The following PLPPR1 variants were observed in gnomAD, a reference collection of about 807,000 sequenced individuals.
The protein encoded by PLPPR1 is phospholipid phosphatase related 1, also known as phospholipid phosphatase-related protein type 1.
In PLPPR1, 10 loss-of-function variants were observed where a neutral mutation model predicts 33.1. The observed-to-expected ratio is 0.30, with a 90% CI of 0.19 to 0.51. PLPPR1 has a LOEUF of 0.51. Among genes scored for constraint, PLPPR1 ranks in the 20% least tolerant of loss-of-function variants. PLPPR1 has a pLI of 0.97. For synonymous variants in PLPPR1, 151 were observed against 151.0 expected (o/e 1.00, Z 0.00); for missense variants, 304 against 408.1 (o/e 0.74, Z 2.20).
At chr9:101,125,678 A>G (rs143084584) in intron 1 of PLPPR1, 7 of 626,162 alleles carry the variant, frequency 1.1e-5, no homozygotes, top group Admixed American at 6.4e-5. Flanking sequence ...TAGCAAAACA[A>G]TGACCATTGT....
chr9:101,050,663 G>A (rs1221797333), intron 1 of PLPPR1, among the ~76,000 whole-genome samples: 2 of 152,198 alleles, frequency 1.3e-5, no homozygotes, highest in Non-Finnish European at 2.9e-5. Context: ...AAATTACACA[G>A]TGGATTTTGT....
chr9:101,207,554 TG>T (rs1826613779), intron 2 of PLPPR1, among the ~76,000 whole-genome samples: 1 of 152,138 alleles, frequency 6.6e-6, no homozygotes, highest in South Asian at 2.1e-4. Context: ...AGAAGTAAGT[TG>T]GCTAGGGCAG....
chr9:101,269,142 C>A (rs1828049205), intron 2 of PLPPR1, among the ~76,000 whole-genome samples: 1 of 152,014 alleles, frequency 6.6e-6, no homozygotes, highest in Non-Finnish European at 1.5e-5. Flanking sequence ...TATATCTAAA[C>A]TTCGGTGAGT....
intron 1 of PLPPR1, among the ~76,000 whole-genome samples, chr9:101,059,998 G>A (rs1830325420): frequency 6.6e-6 from 1 of 152,048 alleles, no homozygotes; most frequent in South Asian, 2.1e-4. Context: ...AAATAAGTAT[G>A]TTGAAAAGAT....
intron 2 of PLPPR1, among the ~76,000 whole-genome samples, chr9:101,202,898 A>AG (rs1442015720): frequency 1.3e-5 from 2 of 152,212 alleles, no homozygotes; most frequent in Non-Finnish European, 2.9e-5. Context: ...GAAAACCCTC[A>AG]GGCACAGATT....
At chr9:101,123,758 A>C (rs1336598795) in intron 1 of PLPPR1, among the ~76,000 whole-genome samples, 1 of 152,136 alleles carries the variant, frequency 6.6e-6, no homozygotes, top group Non-Finnish European at 1.5e-5. Flanking sequence ...CTGGGAGAGC[A>C]AGGAGCCAGC....
chr9:101,058,165 G>T (rs1830300768), intron 1 of PLPPR1, among the ~76,000 whole-genome samples: 1 of 152,032 alleles, frequency 6.6e-6, no homozygotes, highest in South Asian at 2.1e-4. Flanking sequence ...TGGGAGAGGG[G>T]GCGGTATCAG....
chr9:101,241,160 G>A (rs1328421060), intron 2 of PLPPR1, among the ~76,000 whole-genome samples: 1 of 152,048 alleles, frequency 6.6e-6, no homozygotes, highest in Non-Finnish European at 1.5e-5. Flanking sequence ...TACATGAAAG[G>A]TTTATTGGGG....
chr9:101,288,506 T>C (rs1180627242), intron 4 of PLPPR1, among the ~76,000 whole-genome samples: 2 of 152,052 alleles, frequency 1.3e-5, no homozygotes, highest in Non-Finnish European at 2.9e-5. Flanking sequence ...ATTTAAACTT[T>C]GGAGAATTAG....
At chr9:101,312,728 G>C (rs1828980387) in intron 5 of PLPPR1, 70 bp from the exon 6 acceptor site, 1 of 1,318,698 alleles carries the variant, frequency 7.6e-7, no homozygotes, top group South Asian at 1.3e-5. Context: ...GTATGTACCT[G>C]CTTGCTTGCA....
At chr9:101,216,137 C>T (rs1203016546) in intron 2 of PLPPR1, among the ~76,000 whole-genome samples, 2 of 152,196 alleles carry the variant, frequency 1.3e-5, no homozygotes, top group Non-Finnish European at 2.9e-5. Context: ...ATTTTCTCTA[C>T]ATCCTTGCCA....
intron 4 of PLPPR1, among the ~76,000 whole-genome samples, chr9:101,297,605 T>C (rs533023650): frequency 1.3e-5 from 2 of 152,336 alleles, no homozygotes; most frequent in South Asian, 4.1e-4. Context: ...GCTTTAAGCA[T>C]AAAACATCAT....
At chr9:101,119,136 T>TTTCTCCCCAGCC (rs1266300162) in intron 1 of PLPPR1, among the ~76,000 whole-genome samples, 1 of 152,194 alleles carries the variant, frequency 6.6e-6, no homozygotes, top group East Asian at 1.9e-4. Flanking sequence ...TTTCATCTCT[T>TTTCTCCCCAGCC]TTCTCCCCAG....
intron 2 of PLPPR1, among the ~76,000 whole-genome samples, chr9:101,186,870 C>T (rs772123029): frequency 6.6e-5 from 10 of 151,716 alleles, no homozygotes; most frequent in East Asian, 1.9e-4. Context: ...TTAATATAAG[C>T]GAAGTTACAT....
At chr9:101,122,477 T>A (rs1363476137) in intron 1 of PLPPR1, among the ~76,000 whole-genome samples, 1 of 152,200 alleles carries the variant, frequency 6.6e-6, no homozygotes, top group East Asian at 1.9e-4. Flanking sequence ...AAGCTTAATT[T>A]TTTTTCTTAA....
At chr9:101,057,592 CA>C (rs1830293236) in intron 1 of PLPPR1, among the ~76,000 whole-genome samples, 1 of 152,030 alleles carries the variant, frequency 6.6e-6, no homozygotes, top group African/African-American at 2.4e-5. Flanking sequence ...TACTATGAGC[CA>C]GGAACTATGC....
chr9:101,247,212 G>T (rs914034508), intron 2 of PLPPR1, among the ~76,000 whole-genome samples: 2 of 151,960 alleles, frequency 1.3e-5, no homozygotes, highest in Non-Finnish European at 2.9e-5. Flanking sequence ...CTCCTGGAAG[G>T]AGGGACGCCC....
chr9:101,210,520 G>C (rs1267112324), intron 2 of PLPPR1, among the ~76,000 whole-genome samples: 2 of 152,096 alleles, frequency 1.3e-5, no homozygotes, highest in Non-Finnish European at 2.9e-5. Context: ...CAGACTATAA[G>C]AGGATTCATA....
chr9:101,032,107 G>T (rs649892), intron 1 of PLPPR1, among the ~76,000 whole-genome samples: 51,496 of 151,970 alleles, frequency 0.34, 8,918 homozygotes, highest in Admixed American at 0.38. Context: ...GTTCTGTGTG[G>T]CTGTAGCGAC....
Sources: gnomAD v4.1 joint callset for allele counts (sites outside exome capture counted in the v4.1 genomes callset) on GRCh38, gnomAD v4.1.1 for gene constraint, MANE v1.5 for transcripts, NCBI Gene and HGNC (gene_info 2026-07-23, HGNC 2026-07-21) for gene names.